The following GRB10 variants were observed in gnomAD, a reference collection of about 807,000 sequenced individuals.
GRB10 encodes growth factor receptor bound protein 10, also known as growth factor receptor-bound protein 10.
A neutral mutation model predicts 80.9 loss-of-function variants in GRB10; 20 were observed. The observed-to-expected ratio is 0.25, with a 90% CI of 0.17 to 0.36. GRB10 has a LOEUF of 0.36. Among genes scored for constraint, GRB10 ranks in the 10% least tolerant of loss-of-function variants. GRB10 has a pLI of 1.00. For missense variants in GRB10, 548 were observed against 747.7 expected (o/e 0.73, Z 3.12); for synonymous variants, 291 against 291.5 (o/e 1.00, Z 0.02).
upstream of GRB10, among the ~76,000 whole-genome samples, chr7:50,787,568 G>A (rs1329856742): frequency 6.6e-6 from 1 of 152,242 alleles, no homozygotes; most frequent in Non-Finnish European, 1.5e-5. Context: ...GCCCTGGGCA[G>A]GGACGGTGGG....
At chr7:50,737,375 T>A (rs2070977644) in intron 3 of GRB10, among the ~76,000 whole-genome samples, 2 of 152,244 alleles carry the variant, frequency 1.3e-5, no homozygotes, top group Non-Finnish European at 2.9e-5. Context: ...CTCTTTCTCC[T>A]GCTCCAGCCA....
chr7:50,695,089 C>T (rs2063283869), intron 5 of GRB10, among the ~76,000 whole-genome samples: 1 of 152,208 alleles, frequency 6.6e-6, no homozygotes, highest in Non-Finnish European at 1.5e-5. Flanking sequence ...GTGTCCCCCA[C>T]CACCTGCTCA....
intron 3 of GRB10, among the ~76,000 whole-genome samples, chr7:50,748,128 T>C (rs2073339216): frequency 6.6e-6 from 1 of 151,582 alleles, no homozygotes; most frequent in Non-Finnish European, 1.5e-5. Flanking sequence ...GGGGAGGGAG[T>C]GGATCTGCTC....
intron 2 of GRB10, among the ~76,000 whole-genome samples, chr7:50,773,320 C>T (rs1234430060): frequency 7.1e-6 from 1 of 141,528 alleles, no homozygotes; most frequent in African/African-American, 2.7e-5. Context: ...ATTAGGACAG[C>T]TATAAGGAAA....
intron 7 of GRB10, among the ~76,000 whole-genome samples, chr7:50,628,167 AG>A: frequency 6.6e-6 from 1 of 152,372 alleles, no homozygotes; most frequent in Middle Eastern, 3.4e-3. Flanking sequence ...GGCAGCTGAG[AG>A]GCTGAAACAC....
At chr7:50,637,718 CAAA>C (rs59247142) in intron 7 of GRB10, among the ~76,000 whole-genome samples, 78,820 of 148,684 alleles carry the variant, frequency 0.53, 20,792 homozygotes, top group Admixed American at 0.55. Context: ...TCATGTGGAA[CAAA>C]AAAAAAAAAA....
At chr7:50,705,193 C>T in intron 4 of GRB10, 2 of 985,790 alleles carry the variant, frequency 2.0e-6, no homozygotes, top group Non-Finnish European at 2.4e-6. Flanking sequence ...GGACCACTCA[C>T]AATGGGGGGA....
chr7:50,632,843 C>G (rs1398081672), intron 7 of GRB10, among the ~76,000 whole-genome samples: 2 of 152,120 alleles, frequency 1.3e-5, no homozygotes, highest in Non-Finnish European at 2.9e-5. Flanking sequence ...GAGGGTTGTC[C>G]CAGTGGCCTG....
In GRB10 at chr7:50,633,488, G is replaced by T. The variant is rs140442217; in HGVS notation, c.505-6510C>A. On this transcript the variant is annotated intron_variant, in intron 7 of 18. Coordinates refer to ENST00000401949, the MANE Select transcript of GRB10 (RefSeq NM_001350814.2). ...TACAGATGAGAAGAAACCAACACAA[G>T]AACTCCAGCTCCATGAAGAAACAAT... 5.1e-3 allele frequency among the ~76,000 whole-genome samples: 783 copies of T among 152,220 alleles called. 3 individuals carry two copies. Among genetic ancestry groups the T allele is most frequent in the Non-Finnish European group, 6.2e-3 (421 of 68,010 alleles).
At chr7:50,608,090 C>T (rs1660239454) in intron 13 of GRB10, among the ~76,000 whole-genome samples, 1 of 152,102 alleles carries the variant, frequency 6.6e-6, no homozygotes, top group Non-Finnish European at 1.5e-5. Flanking sequence ...TGAGATAATG[C>T]CAAAAACTTT....
intron 4 of GRB10, among the ~76,000 whole-genome samples, chr7:50,716,802 C>G (rs2153681668): frequency 6.6e-6 from 1 of 152,284 alleles, no homozygotes; most frequent in East Asian, 1.9e-4. Flanking sequence ...CTGGCGTGGT[C>G]TGGAGAGGTC....
chr7:50,751,827 G>C (rs372822330), intron 3 of GRB10, among the ~76,000 whole-genome samples: 2 of 152,206 alleles, frequency 1.3e-5, no homozygotes, highest in African/African-American at 4.8e-5. Flanking sequence ...TTGTGGTATA[G>C]TTAAGGGCTT....
intron 8 of GRB10, among the ~76,000 whole-genome samples, chr7:50,620,663 TC>T (rs2051543002): frequency 6.6e-6 from 1 of 152,172 alleles, no homozygotes; most frequent in African/African-American, 2.4e-5. Flanking sequence ...GTGGAGCAGT[TC>T]CCATTTGTCC....
upstream of GRB10, among the ~76,000 whole-genome samples, chr7:50,784,000 C>G (rs988728319): frequency 6.6e-6 from 1 of 152,200 alleles, no homozygotes; most frequent in Non-Finnish European, 1.5e-5. Flanking sequence ...GTCGATCAAA[C>G]AAAAGCAGAG....
At chr7:50,714,728 A>C (rs2066567785) in intron 4 of GRB10, among the ~76,000 whole-genome samples, 1 of 151,810 alleles carries the variant, frequency 6.6e-6, no homozygotes. Flanking sequence ...GGGTGCACAA[A>C]GCCATTGCAA....
At chr7:50,610,164 T>G (rs965859386) in intron 13 of GRB10, among the ~76,000 whole-genome samples, 3 of 152,152 alleles carry the variant, frequency 2.0e-5, no homozygotes, top group Admixed American at 2.0e-4. Context: ...CGGGATGCCT[T>G]GTTTTAGAAT....
intron 4 of GRB10, among the ~76,000 whole-genome samples, chr7:50,713,483 C>A (rs1337870348): frequency 6.7e-6 from 1 of 149,878 alleles, no homozygotes. Flanking sequence ...TCAACCAACT[C>A]CTCTACCATC....
chr7:50,704,593 TACC>T (rs1292413036), intron 4 of GRB10, among the ~76,000 whole-genome samples: 5 of 152,258 alleles, frequency 3.3e-5, no homozygotes, highest in Non-Finnish European at 7.3e-5. Context: ...GATGCATATG[TACC>T]ACTACTGTAA....
At chr7:50,683,796 A>G (rs2061799590) in intron 5 of GRB10, among the ~76,000 whole-genome samples, 1 of 152,206 alleles carries the variant, frequency 6.6e-6, no homozygotes, top group African/African-American at 2.4e-5. Flanking sequence ...AAATTGTGTT[A>G]GGTATATTTT....
Sources: gnomAD v4.1 joint callset for allele counts (sites outside exome capture counted in the v4.1 genomes callset) on GRCh38, gnomAD v4.1.1 for gene constraint, MANE v1.5 for transcripts, NCBI Gene and HGNC (gene_info 2026-07-23, HGNC 2026-07-21) for gene names.